Variants in NLRC5 observed in about 807,000 individuals in gnomAD.
NLRC5 encodes the protein protein NLRC5.
Under a neutral mutation model 206.9 loss-of-function variants are expected in NLRC5, and 114 were observed. The ratio of observed to expected loss-of-function variants is 0.55; its 90% CI spans 0.47 to 0.64. The LOEUF is 0.64. NLRC5 is among the 30% of genes least tolerant of loss of function. NLRC5 has a pLI of 0.00. For synonymous variants in NLRC5, 952 were observed against 962.8 expected (o/e 0.99, Z 0.21); for missense variants, 2,008 against 2,305.5 (o/e 0.87, Z 2.64).
intron 39 of NLRC5, among the ~76,000 whole-genome samples, chr16:57,075,221 T>C (rs2068249460): frequency 6.6e-6 from 1 of 152,026 alleles, no homozygotes; most frequent in African/African-American, 2.4e-5. Context: ...ATTTCTTTTT[T>C]TGTTTGTTTG....
In NLRC5 at chr16:57,033,602, A is replaced by G; in HGVS notation, c.2478-2A>G. On this transcript the variant is annotated splice_acceptor_variant, in intron 11 of 48. Transcript: ENST00000688547. LOFTEE classifies it high-confidence loss of function. ...GGCCAATGCTTGATTTGTTCTTGCC[A>G]GAGCTCCAGACCTGCAGGAAAGTGA... The G allele has an allele frequency of 6.2e-7, 1 of 1,614,084 alleles. No individual in the cohort carries two copies. The highest frequency in any genetic ancestry group is 8.5e-7 in the Non-Finnish European group (1 of 1,179,978).
At chr16:57,065,338 T>C in intron 33 of NLRC5, 40 bp downstream of exon 33, 1 of 1,407,704 alleles carries the variant, frequency 7.1e-7, no homozygotes, top group South Asian at 1.3e-5. Flanking sequence ...TTCTTCATCT[T>C]TCATAAGCAT....
intron 23 of NLRC5, among the ~76,000 whole-genome samples, chr16:57,048,815 T>G (rs1262894737): frequency 6.6e-6 from 1 of 152,230 alleles, no homozygotes; most frequent in East Asian, 1.9e-4. Flanking sequence ...ATTACAGGCT[T>G]GAGCCACTGC....
At chr16:57,043,453 C>A in intron 19 of NLRC5, 62 bp from the exon 20 acceptor site, 3 of 1,275,828 alleles carry the variant, frequency 2.4e-6, no homozygotes, top group Non-Finnish European at 3.4e-6. Flanking sequence ...TGTGCCCTGA[C>A]CACAAAGAGG....
Position 57,033,593 on chromosome 16 carries a change from G to T in NLRC5, c.2478-11G>T. ...CTGAGCCCAGGCCAATGCTTGATTT[G>T]TTCTTGCCAGAGCTCCAGACCTGCA... On this transcript the variant is annotated splice_polypyrimidine_tract_variant and intron_variant, in intron 11 of 48. Transcript: ENST00000688547. The T allele has an allele frequency of 1.2e-6, 2 of 1,613,984 alleles. No homozygotes were observed. The highest frequency in any genetic ancestry group is 2.7e-5 in the African/African-American group (2 of 75,038).
At chr16:57,055,668 T>C (rs2065553915) in intron 27 of NLRC5, 149 bp downstream of exon 27, 2 of 630,838 alleles carry the variant, frequency 3.2e-6, no homozygotes, top group African/African-American at 1.8e-5. Context: ...CTGGGTCACA[T>C]ACCCAAAGCT....
chr16:57,047,168 G>A (rs1217618563), intron 22 of NLRC5, among the ~76,000 whole-genome samples: 1 of 152,214 alleles, frequency 6.6e-6, no homozygotes, highest in African/African-American at 2.4e-5. Flanking sequence ...GGCCTGGTCA[G>A]ATGTGCAGTG....
rs1684576 is a variant in NLRC5, at chr16:57,028,265, T to C, written c.2160-37T>C. 1.2e-5 allele frequency: 19 copies of C among 1,601,022 alleles called. No homozygotes were observed. In the African/African-American group the frequency reaches 2.3e-4, roughly 19 times the overall value. ...GATTCCTGGCCCCGCCCTTTTCCCCTCCTCGTTCCTCCCCACCATCTTTGC... is the reference window on the plus strand; with the variant it reads ...GATTCCTGGCCCCGCCCTTTTCCCCCCCTCGTTCCTCCCCACCATCTTTGC... On this transcript the variant is annotated intron_variant, in intron 7 of 48. Coordinates refer to ENST00000688547, the MANE Select transcript of NLRC5 (RefSeq NM_001384950.1).
In NLRC5 at chr16:57,034,231, C is replaced by T. The variant is rs376528983; in HGVS notation, c.2607C>T (p.Gly869=). 6.2e-6 allele frequency: 10 copies of T among 1,613,780 alleles called. No homozygotes were observed. The highest frequency in any genetic ancestry group is 1.7e-6 in the Non-Finnish European group (2 of 1,179,846). The stretch of plus-strand genomic sequence containing the variant: ...CCCTCATAGCCCTGCTCCAGGAAGG[C>T]CCTCACCTGGAGGAAGTGGAGTGAG... ...AEALIALLQE[G]PHLEEVDLSG... Residue 869 remains glycine, a synonymous_variant, in exon 13 of 49, where the codon GGC becomes GGT. Coordinates refer to ENST00000688547, the MANE Select transcript of NLRC5 (RefSeq NM_001384950.1).
At position 57,034,193 on chromosome 16, in the gene NLRC5, C is replaced by T. The variant is rs1453004372; in HGVS notation, c.2569C>T (p.His857Tyr). The T allele has an allele frequency of 2.5e-6, 4 of 1,614,110 alleles. No homozygotes were observed. Among genetic ancestry groups the T allele is most frequent in the Non-Finnish European group, 3.4e-6 (4 of 1,179,982 alleles). ...LRLQKCQLQV[H>Y]DAEALIALLQ... ...GCTGCAGAAGTGTCAGCTCCAGGTC[C>T]ACGATGCGGAGGCCCTCATAGCCCT... The change falls in exon 13 of 49, where the codon CAC (histidine) becomes TAC (tyrosine). Residue 857 changes from histidine to tyrosine, a missense_variant. Transcript: ENST00000688547.
At chr16:57,066,648 G>T (rs892345689) in intron 34 of NLRC5, 34 bp downstream of exon 34, 3 of 1,580,012 alleles carry the variant, frequency 1.9e-6, no homozygotes, top group Admixed American at 3.3e-5. Flanking sequence ...CAAGGCAGGG[G>T]CTGGTGTTGG....
intron 30 of NLRC5, among the ~76,000 whole-genome samples, chr16:57,060,306 C>A (rs1316148533): frequency 6.6e-6 from 1 of 151,836 alleles, no homozygotes; most frequent in Non-Finnish European, 1.5e-5. Context: ...AGCATCTTCT[C>A]CCTCACAGTC....
intron 15 of NLRC5, among the ~76,000 whole-genome samples, chr16:57,039,109 C>G (rs2062967704): frequency 6.6e-6 from 1 of 152,038 alleles, no homozygotes; most frequent in Non-Finnish European, 1.5e-5. Context: ...AATTATTGCA[C>G]TAGAAAATGG....
chr16:57,037,109 T>A lies in NLRC5; in HGVS notation c.2712-86T>A. On this transcript the variant is annotated intron_variant, in intron 14 of 48. Transcript: ENST00000688547. Reference sequence around the variant, plus strand: ...CATCCAGGAGTGACAGCCAGCAAGCTGCTGAGCCACAGGGAGGGGCTAGAG... The same window carrying A: ...CATCCAGGAGTGACAGCCAGCAAGCAGCTGAGCCACAGGGAGGGGCTAGAG... The A allele has an allele frequency of 8.2e-6, 9 of 1,094,632 alleles. No individual in the cohort carries two copies. The South Asian group carries it at 1.1e-4, about 14-fold the overall frequency. 67.8% of individuals were successfully genotyped at this position (1,094,632 alleles called of 1,614,324 possible). A position where few individuals can be genotyped will look rare whatever the true frequency, so the allele number is the denominator to read the frequency against.
chr16:57,046,959 G>A (rs1597344064), intron 22 of NLRC5, among the ~76,000 whole-genome samples: 1 of 152,312 alleles, frequency 6.6e-6, no homozygotes, highest in African/African-American at 2.4e-5. Context: ...CCACTTTCCA[G>A]AAAGAAAGGG....
chr16:57,032,523 A>T (rs1277717672), intron 11 of NLRC5, among the ~76,000 whole-genome samples: 1 of 152,172 alleles, frequency 6.6e-6, no homozygotes, highest in Non-Finnish European at 1.5e-5. Flanking sequence ...ATGCTATTTC[A>T]ATTTAAATAA....
intron 38 of NLRC5, 49 bp downstream of exon 38, chr16:57,070,667 T>C (rs766787205): frequency 3.3e-6 from 5 of 1,493,660 alleles, no homozygotes; most frequent in Non-Finnish European, 4.6e-6. Flanking sequence ...GGGTGGTTAA[T>C]GGATGGTGGA....
chr16:57,039,001 C>G lies in NLRC5; in HGVS notation c.2802-780C>G, dbSNP rs146319656. On this transcript the variant is annotated intron_variant, in intron 15 of 48. Coordinates refer to ENST00000688547, the MANE Select transcript of NLRC5 (RefSeq NM_001384950.1). ...ATAATCTGTTCCCATCAATAATGAT[C>G]AAGTATTAATAATTATTTGTCATCC... Among the ~76,000 whole-genome samples, 48 of 150,548 alleles carry G rather than the reference C, an allele frequency of 3.2e-4. 1 individual carries two copies. The highest frequency in any genetic ancestry group is 3.5e-3 in the Middle Eastern group (1 of 282).
At chr16:57,052,762 C>A (rs575925044) in intron 24 of NLRC5, 18 of 152,250 alleles carry the variant, frequency 1.2e-4, no homozygotes, top group Non-Finnish European at 2.6e-4. Flanking sequence ...GCTCACAGCA[C>A]CCCATGGCAC....
Sources: gnomAD v4.1 joint callset for allele counts (sites outside exome capture counted in the v4.1 genomes callset) on GRCh38, gnomAD v4.1.1 for gene constraint, MANE v1.5 for transcripts, NCBI Gene and HGNC (gene_info 2026-07-23, HGNC 2026-07-21) for gene names.